The following GOLGA8A variants were observed in gnomAD, a reference collection of about 807,000 sequenced individuals.
GOLGA8A encodes golgin subfamily A member 8A.
GOLGA8A carries 3 observed loss-of-function variants against 22.1 expected under a neutral mutation model. The observed-to-expected ratio is 0.14, with a 90% CI of 0.06 to 0.35. The LOEUF (loss-of-function observed/expected upper bound fraction) is 0.35, where lower values mean the gene tolerates loss of function less well. Among genes scored for constraint, GOLGA8A ranks in the 10% least tolerant of loss-of-function variants. GOLGA8A has a pLI of 1.00. For missense variants in GOLGA8A, 16 were observed against 233.2 expected (o/e 0.07, Z 6.07); for synonymous variants, 7 against 91.7 (o/e 0.08, Z 5.28).
intron 1 of GOLGA8A, among the ~76,000 whole-genome samples, 178 bp from the exon 2 acceptor site, chr15:34,435,649 C>A (rs1285549732): frequency 2.0e-5 from 3 of 149,002 alleles, no homozygotes; most frequent in Non-Finnish European, 4.5e-5. Flanking sequence ...TGCTCACACA[C>A]ACTCACACCC....
chr15:34,422,763 C>A (rs1289613926), intron 2 of GOLGA8A, among the ~76,000 whole-genome samples: 3 of 107,612 alleles, frequency 2.8e-5, no homozygotes, highest in African/African-American at 8.0e-5. Flanking sequence ...ATTCTGCAGG[C>A]ATTCTACAGG....
chr15:34,432,777 C>T lies in GOLGA8A; in HGVS notation c.-1123+2606G>A, dbSNP rs943922849. Reference sequence around the variant, plus strand: ...ACAAAACAACAGATGCACCACCTTACATTAAAACAGCCCTTTAGAGTTTAG... The same window carrying T: ...ACAAAACAACAGATGCACCACCTTATATTAAAACAGCCCTTTAGAGTTTAG... On this transcript the variant is annotated intron_variant, in intron 2 of 24. Transcript: ENST00000359187. Among the ~76,000 whole-genome samples, 24 of 148,968 alleles carry T rather than the reference C, an allele frequency of 1.6e-4. 2 individuals are homozygous for T. Among genetic ancestry groups the T allele is most frequent in the Admixed American group, 4.8e-4 (7 of 14,716 alleles).
At chr15:34,430,116 G>A (rs1232779426) in intron 2 of GOLGA8A, among the ~76,000 whole-genome samples, 1 of 148,354 alleles carries the variant, frequency 6.7e-6, no homozygotes, top group Non-Finnish European at 1.5e-5. Context: ...GCACAGGCAC[G>A]CCTGTGATCA....
Position 34,397,486 on chromosome 15 carries a change from TAC to T in GOLGA8A, c.-382+1146_-382+1147del, listed in dbSNP as rs1372697551. ...TTCTGTATCTGATAATTCCAAAACC[TAC>T]AGTCTTTGGGAAACATTCATTGTTT... On this transcript the variant is annotated intron_variant, in intron 8 of 24. Transcript: ENST00000359187. 2.7e-5 allele frequency among the ~76,000 whole-genome samples: 4 copies of T among 148,710 alleles called. No homozygotes were observed. The East Asian group carries it at 5.8e-4, about 21-fold the overall frequency.
At chr15:34,437,027 G>C (rs1324890254) in intron 1 of GOLGA8A, among the ~76,000 whole-genome samples, 1 of 148,932 alleles carries the variant, frequency 6.7e-6, no homozygotes, top group African/African-American at 2.5e-5. Context: ...ACGCACCAGC[G>C]GCCCGACCAG....
Position 34,381,166 on chromosome 15 carries a change from AC to A in GOLGA8A, c.*244del, listed in dbSNP as rs1410159691. ...GGCAAACTCGATATGCATGCTAATGACCTACAATTATGAAATGAAAAAAGAA... is the reference window on the plus strand; with the variant it reads ...GGCAAACTCGATATGCATGCTAATGACTACAATTATGAAATGAAAAAAGAA... On this transcript the variant is annotated 3_prime_UTR_variant, in exon 25 of 25. Transcript: ENST00000359187. 1 of 615,286 alleles carries A rather than the reference AC, an allele frequency of 1.6e-6. No homozygotes were observed. Among genetic ancestry groups the A allele is most frequent in the Non-Finnish European group, 2.8e-6 (1 of 356,762 alleles). The allele number at this position is 615,286 out of a possible 1,614,324, so 38.1% of individuals were successfully genotyped here. A position where few individuals can be genotyped will look rare whatever the true frequency, so the allele number is the denominator to read the frequency against.
In GOLGA8A at chr15:34,434,552, G is replaced by A. The variant is rs1205410699; in HGVS notation, c.-1123+831C>T. Among the ~76,000 whole-genome samples, 30 of 148,922 alleles carry A rather than the reference G, an allele frequency of 2.0e-4. 1 individual carries two copies. Among genetic ancestry groups the A allele is most frequent in the Non-Finnish European group, 4.2e-4 (28 of 67,042 alleles). ...ACAGCTGACTCAGCCTGTGCCAGCA[G>A]GCTGCTCTGAGACATGAGCTGGACC... On this transcript the variant is annotated intron_variant, in intron 2 of 24. Transcript: ENST00000359187.
At position 34,437,450 on chromosome 15, in the gene GOLGA8A, GTCCTC is replaced by G. The variant is rs1893594645; in HGVS notation, c.-1269_-1265del. 7.4e-6 allele frequency: 1 copy of G among 135,800 alleles called. No individual in the cohort carries two copies. The highest frequency in any genetic ancestry group is 2.7e-5 in the African/African-American group (1 of 37,244). 8.4% of individuals were successfully genotyped at this position (135,800 alleles called of 1,614,324 possible). A position where few individuals can be genotyped will look rare whatever the true frequency, so the allele number is the denominator to read the frequency against. On this transcript the variant is annotated 5_prime_UTR_variant, in exon 1 of 25. Transcript: ENST00000359187. The stretch of plus-strand genomic sequence containing the variant: ...CCGCCGCCGTCCTCGCCGCGCCGCC[GTCCTC>G]GCCGCGCCGCCGTCCTCGCCGCGCC...
rs527588848 is a variant in GOLGA8A, at chr15:34,431,745, A to G, written c.-1123+3638T>C. ...GTACACTAGTGCAGACTTTATAGAC[A>G]TTGTATACCTAGGCTACATTTTAAA... On this transcript the variant is annotated intron_variant, in intron 2 of 24. Coordinates refer to ENST00000359187, the MANE Select transcript of GOLGA8A (RefSeq NM_181077.5). Among the ~76,000 whole-genome samples, 185 of 148,838 alleles carry G rather than the reference A, an allele frequency of 1.2e-3. 10 individuals carry two copies. Among genetic ancestry groups the G allele is most frequent in the African/African-American group, 4.5e-3 (181 of 40,416 alleles).
In GOLGA8A at chr15:34,400,568, G is replaced by A. The variant is rs1009981987; in HGVS notation, c.-527+144C>T. 6 of 147,190 alleles carry A rather than the reference G, an allele frequency of 4.1e-5. No individual in the cohort carries two copies. The Admixed American group carries it at 4.1e-4, about 10-fold the overall frequency. 9.1% of individuals were successfully genotyped at this position (147,190 alleles called of 1,614,324 possible). A position where few individuals can be genotyped will look rare whatever the true frequency, so the allele number is the denominator to read the frequency against. ...TAAGTTTGGTGTTGGGCATATGGAT[G>A]TATGATTTAATGTTTTAAAAAAGGA... On this transcript the variant is annotated intron_variant, in intron 6 of 24. Transcript: ENST00000359187.
At chr15:34,435,493 A>C (rs1709449209) in intron 1 of GOLGA8A, 22 bp from the exon 2 acceptor site, 2 of 147,916 alleles carry the variant, frequency 1.4e-5, no homozygotes, top group Non-Finnish European at 3.0e-5. Flanking sequence ...TTTTTTTTTT[A>C]AAGTTTAGAG....
At chr15:34,434,672 C>T (rs1326908563) in intron 2 of GOLGA8A, among the ~76,000 whole-genome samples, 1 of 149,188 alleles carries the variant, frequency 6.7e-6, no homozygotes, top group Non-Finnish European at 1.5e-5. Context: ...CCAACCACCA[C>T]CCAAGGGAAC....
chr15:34,397,313 C>A (rs1891892236), intron 8 of GOLGA8A, among the ~76,000 whole-genome samples: 1 of 147,250 alleles, frequency 6.8e-6, no homozygotes, highest in Admixed American at 6.8e-5. Context: ...AGTTCTATTT[C>A]ATCCATTTTC....
chr15:34,427,519 G>T (rs1893036901), intron 2 of GOLGA8A, among the ~76,000 whole-genome samples: 1 of 148,184 alleles, frequency 6.7e-6, no homozygotes, highest in Non-Finnish European at 1.5e-5. Context: ...CAGCTCAACA[G>T]AGCAAATCCA....
At chr15:34,423,559 C>G (rs572292514) in intron 2 of GOLGA8A, among the ~76,000 whole-genome samples, 3 of 148,818 alleles carry the variant, frequency 2.0e-5, no homozygotes, top group Non-Finnish European at 3.0e-5. Context: ...CAAGGAAGCA[C>G]GAGGAACTCA....
At chr15:34,427,457 A>G (rs1398657796) in intron 2 of GOLGA8A, among the ~76,000 whole-genome samples, 2 of 148,886 alleles carry the variant, frequency 1.3e-5, no homozygotes, top group Non-Finnish European at 3.0e-5. Flanking sequence ...TTTGATGTAG[A>G]TGGTTCCATT....
At chr15:34,431,074 C>T (rs1256342759) in intron 2 of GOLGA8A, among the ~76,000 whole-genome samples, 1 of 148,702 alleles carries the variant, frequency 6.7e-6, no homozygotes, top group Non-Finnish European at 1.5e-5. Flanking sequence ...AATCCATCAT[C>T]CCTAAATGCA....
chr15:34,428,385 T>C (rs1443290205), intron 2 of GOLGA8A, among the ~76,000 whole-genome samples: 1 of 148,560 alleles, frequency 6.7e-6, no homozygotes, highest in African/African-American at 2.5e-5. Flanking sequence ...TGAACCACCG[T>C]GCCCAGCCTT....
chr15:34,403,386 CTAAG>C (rs568951529), intron 5 of GOLGA8A, among the ~76,000 whole-genome samples: 1,328 of 107,032 alleles, frequency 0.012, 26 homozygotes, highest in Middle Eastern at 0.03. Context: ...TATCCTAAGA[CTAAG>C]TAGAAATGGA....
Sources: allele counts gnomAD v4.1 joint callset (sites outside exome capture counted in the v4.1 genomes callset), GRCh38; gene constraint gnomAD v4.1.1; transcripts MANE v1.5; gene names NCBI Gene and HGNC (gene_info 2026-07-23, HGNC 2026-07-21).